C9orf85: variants seen among roughly 807,000 people sequenced by gnomAD.
C9orf85 encodes chromosome 9 open reading frame 85, also known as uncharacterized protein C9orf85.
A neutral mutation model predicts 14.9 loss-of-function variants in C9orf85; 16 were observed. The observed-to-expected ratio is 1.08, with a 90% CI of 0.73 to 1.63. The LOEUF is 1.63. Among genes scored for constraint, C9orf85 ranks in the 40% most tolerant of loss-of-function variants. The probability of loss-of-function intolerance (pLI) is 0.00; values close to 1 mark genes in which losing one functional copy is unlikely to be tolerated. For missense variants in C9orf85, 172 were observed against 186.1 expected, an observed-to-expected ratio of 0.92 and a Z score of 0.44; for synonymous variants, 45 against 56.8, an observed-to-expected ratio of 0.79 and a Z score of 0.93.
intron 2 of C9orf85, among the ~76,000 whole-genome samples, chr9:71,967,018 TG>T (rs1334150725): frequency 6.6e-6 from 1 of 152,238 alleles, no homozygotes; most frequent in African/African-American, 2.4e-5. Context: ...TAATAAGTTT[TG>T]TGCCACCCTC....
chr9:71,926,601 T>C (rs1827934083), intron 1 of C9orf85, among the ~76,000 whole-genome samples: 1 of 148,164 alleles, frequency 6.7e-6, no homozygotes, highest in Non-Finnish European at 1.5e-5. Flanking sequence ...TCAAATAGCT[T>C]TCAAAGTCCA....
At chr9:71,941,577 A>G (rs1436162134) in intron 1 of C9orf85, among the ~76,000 whole-genome samples, 1 of 152,236 alleles carries the variant, frequency 6.6e-6, no homozygotes, top group African/African-American at 2.4e-5. Flanking sequence ...AGAATGTAGG[A>G]TATTCTCTAA....
At chr9:71,923,001 A>G (rs1827851452) in intron 1 of C9orf85, among the ~76,000 whole-genome samples, 1 of 152,166 alleles carries the variant, frequency 6.6e-6, no homozygotes. Context: ...GTGGTGGTGC[A>G]CGCCTGTAAC....
chr9:71,937,468 T>C (rs1304976201), intron 1 of C9orf85, among the ~76,000 whole-genome samples: 1 of 152,242 alleles, frequency 6.6e-6, no homozygotes. Context: ...AGTCTTTGGA[T>C]AAAAATGTGA....
chr9:71,959,725 G>C (rs921876637), intron 2 of C9orf85, among the ~76,000 whole-genome samples: 1 of 152,128 alleles, frequency 6.6e-6, no homozygotes, highest in Admixed American at 6.5e-5. Context: ...GCTGTTACCT[G>C]CAAGAACCAA....
At chr9:71,977,241 C>T (rs563272649), downstream of C9orf85, among the ~76,000 whole-genome samples, 29 of 152,132 alleles carry the variant, frequency 1.9e-4, no homozygotes, top group African/African-American at 6.7e-4. Flanking sequence ...GTTAATTACA[C>T]GTCTCATTAG....
chr9:71,947,446 T>C (rs1822129767), intron 2 of C9orf85, among the ~76,000 whole-genome samples: 1 of 152,212 alleles, frequency 6.6e-6, no homozygotes, highest in South Asian at 2.1e-4. Context: ...CTATGCACCA[T>C]AAATTATCAA....
intron 2 of C9orf85, among the ~76,000 whole-genome samples, chr9:71,947,586 A>C (rs1822133442): frequency 6.6e-6 from 1 of 152,138 alleles, no homozygotes; most frequent in Non-Finnish European, 1.5e-5. Flanking sequence ...TAGAGGTCTA[A>C]ATGAAAAGAT....
chr9:71,971,524 A>G lies in C9orf85; in HGVS notation c.229A>G (p.Thr77Ala), dbSNP rs1429961000. 1.3e-6 allele frequency: 2 copies of G among 1,594,614 alleles called. No homozygotes were observed. The highest frequency in any genetic ancestry group is 1.1e-5 in the South Asian group (1 of 87,902). Reference sequence around the variant, plus strand: ...TTTTAGTGTTAAATGTTTACAAAAGACAGTGAAGGATTCTTATCACATAAT... The same window carrying G: ...TTTTAGTGTTAAATGTTTACAAAAGGCAGTGAAGGATTCTTATCACATAAT... ...PKKCVKCLQK[T>A]VKDSYHIMCR... The change falls in exon 3 of 4, where the codon ACA (threonine) becomes GCA (alanine). Residue 77 changes from threonine to alanine, a missense_variant. Coordinates refer to ENST00000334731, the MANE Select transcript of C9orf85 (RefSeq NM_182505.5).
chr9:71,932,583 T>C (rs529632738), intron 1 of C9orf85, among the ~76,000 whole-genome samples: 1 of 152,264 alleles, frequency 6.6e-6, no homozygotes, highest in African/African-American at 2.4e-5. Context: ...TGAATCTAGA[T>C]CATTTCATCT....
At chr9:71,915,853 A>G (rs1827635257) in intron 1 of C9orf85, among the ~76,000 whole-genome samples, 1 of 152,228 alleles carries the variant, frequency 6.6e-6, no homozygotes, top group Non-Finnish European at 1.5e-5. Flanking sequence ...TACAGCACAA[A>G]TGTGGATTAG....
intron 2 of C9orf85, among the ~76,000 whole-genome samples, chr9:71,951,562 A>G (rs1215355418): frequency 6.6e-6 from 1 of 152,176 alleles, no homozygotes; most frequent in African/African-American, 2.4e-5. Context: ...GAGGGCTGCA[A>G]TGGTGCTGTC....
intron 1 of C9orf85, among the ~76,000 whole-genome samples, chr9:71,925,479 A>G (rs1194067583): frequency 6.6e-6 from 1 of 152,244 alleles, no homozygotes; most frequent in Non-Finnish European, 1.5e-5. Context: ...AGAAAAAAAG[A>G]ACTATGATAC....
intron 2 of C9orf85, among the ~76,000 whole-genome samples, chr9:71,958,711 A>G (rs1342799916): frequency 6.6e-6 from 1 of 151,954 alleles, no homozygotes; most frequent in Admixed American, 6.6e-5. Context: ...ATGCAGTCAT[A>G]CCCCCTCCCC....
intron 2 of C9orf85, among the ~76,000 whole-genome samples, chr9:71,951,857 T>A (rs1270417647): frequency 1.3e-5 from 2 of 151,786 alleles, no homozygotes; most frequent in Non-Finnish European, 2.9e-5. Flanking sequence ...ATCTTATAAA[T>A]ATAAAACAAT....
At position 71,935,628 on chromosome 9, in the gene C9orf85, G is replaced by A. The variant is rs546696001; in HGVS notation, c.103-11378G>A. Among the ~76,000 whole-genome samples, 17 of 138,682 alleles carry A rather than the reference G, an allele frequency of 1.2e-4. No individual in the cohort carries two copies. In the East Asian group the frequency reaches 1.5e-3, roughly 12 times the overall value. 91.0% of individuals were successfully genotyped at this position (138,682 alleles called of 152,430 possible). A position where few individuals can be genotyped will look rare whatever the true frequency, so the allele number is the denominator to read the frequency against. On this transcript the variant is annotated intron_variant, in intron 1 of 3. Coordinates refer to ENST00000334731, the MANE Select transcript of C9orf85 (RefSeq NM_182505.5). ...GCAACACAGCGAGACCCTGCCCCCC[G>A]ACCCAAAAAAAAAAAAAAGACAAAT...
intron 2 of C9orf85, among the ~76,000 whole-genome samples, chr9:71,969,289 C>T (rs983523913): frequency 5.9e-5 from 9 of 152,118 alleles, no homozygotes; most frequent in Non-Finnish European, 1.0e-4. Context: ...GCTGGGATTA[C>T]ACCACCATGC....
chr9:71,925,350 G>A (rs1465070870), intron 1 of C9orf85, among the ~76,000 whole-genome samples: 6 of 152,206 alleles, frequency 3.9e-5, no homozygotes, highest in Admixed American at 2.6e-4. Flanking sequence ...GTGAAACCCC[G>A]TCCCTACTAA....
intron 2 of C9orf85, among the ~76,000 whole-genome samples, chr9:71,950,853 C>G (rs138903038): frequency 1.3e-5 from 2 of 152,246 alleles, no homozygotes; most frequent in East Asian, 3.9e-4. Context: ...TTATAAGTGA[C>G]ATTTCTTTTA....
Sources: allele counts gnomAD v4.1 joint callset (sites outside exome capture counted in the v4.1 genomes callset), GRCh38; gene constraint gnomAD v4.1.1; transcripts MANE v1.5; gene names NCBI Gene and HGNC (gene_info 2026-07-23, HGNC 2026-07-21).